Variants in CRTAC1 observed in about 807,000 individuals in gnomAD.
The protein encoded by CRTAC1 is acidic secreted protein in cartilage.
Under a neutral mutation model 67.8 loss-of-function variants are expected in CRTAC1, and 37 were observed. The observed-to-expected ratio is 0.55, with a 90% CI of 0.42 to 0.72. The LOEUF (loss-of-function observed/expected upper bound fraction) is 0.72, where lower values mean the gene tolerates loss of function less well. Ranked by LOEUF, CRTAC1 falls within the 30% of genes least tolerant of loss-of-function variation. CRTAC1 has a pLI of 0.00. For synonymous variants in CRTAC1, 348 were observed against 371.0 expected (o/e 0.94, Z 0.71); for missense variants, 780 against 931.6 (o/e 0.84, Z 2.12).
intron 2 of CRTAC1, among the ~76,000 whole-genome samples, chr10:97,968,965 GA>G (rs1226225109): frequency 6.6e-6 from 1 of 152,156 alleles, no homozygotes; most frequent in East Asian, 1.9e-4. Flanking sequence ...GCTGATACTG[GA>G]ATTTCTCAGT....
intron 13 of CRTAC1, among the ~76,000 whole-genome samples, chr10:97,881,601 T>C (rs1451082760): frequency 1.3e-5 from 2 of 152,192 alleles, no homozygotes; most frequent in African/African-American, 2.4e-5. Context: ...TAACTGCCTG[T>C]TGGGCGATGA....
rs960083229 is a variant in CRTAC1 at position 97,913,280 on chromosome 10, G to A, written c.715+4220C>T. On this transcript the variant is annotated intron_variant, in intron 5 of 14. Coordinates refer to ENST00000370597, the MANE Select transcript of CRTAC1 (RefSeq NM_018058.7). ...TGGTGTTGCCACTCCCAAGCCTTCT[G>A]GGAGCCTTCAGAGCCTGGGCAGGAC... Among the ~76,000 whole-genome samples the A allele has an allele frequency of 3.3e-5, 5 of 152,268 alleles. No individual in the cohort carries two copies. The East Asian group carries it at 7.7e-4, about 24-fold the overall frequency.
At chr10:97,970,792 C>T (rs891993720) in intron 2 of CRTAC1, among the ~76,000 whole-genome samples, 12 of 152,198 alleles carry the variant, frequency 7.9e-5, no homozygotes, top group African/African-American at 2.9e-4. Context: ...GCAGTCTCTC[C>T]AATGCCTAGA....
intron 5 of CRTAC1, among the ~76,000 whole-genome samples, chr10:97,916,049 A>G (rs1727000723): frequency 6.6e-6 from 1 of 151,948 alleles, no homozygotes; most frequent in Admixed American, 6.6e-5. Context: ...TGCCCCCTTC[A>G]TGCTCAAACC....
chr10:97,986,761 G>C (rs2051989421), intron 2 of CRTAC1, among the ~76,000 whole-genome samples: 1 of 152,114 alleles, frequency 6.6e-6, no homozygotes, highest in Admixed American at 6.5e-5. Flanking sequence ...TGGGAACCAG[G>C]GGCAGGAAGG....
rs544558254 is a variant in CRTAC1 at position 97,881,711 on chromosome 10, G to T, written c.1675+1075C>A. Reference sequence around the variant, plus strand: ...CTATGTGTTTGGAGTGGGGCTGGGTGGGCATGTGGAGAGTGTAGGGGAGTC... The same window carrying T: ...CTATGTGTTTGGAGTGGGGCTGGGTTGGCATGTGGAGAGTGTAGGGGAGTC... On this transcript the variant is annotated intron_variant, in intron 13 of 14. Coordinates refer to ENST00000370597, the MANE Select transcript of CRTAC1 (RefSeq NM_018058.7). Among the ~76,000 whole-genome samples, 6 of 152,266 alleles carry T rather than the reference G, an allele frequency of 3.9e-5. No individual in the cohort carries two copies. In the South Asian group the frequency reaches 1.0e-3, roughly 26 times the overall value.
rs780517154 is a variant in CRTAC1 at position 97,895,243 on chromosome 10, A to C, written c.1486+2T>G. ...ACTGTCCCCCACCGGACCCCGACTC[A>C]CCCAGGCCAAAGTGTGCCACGGGCT... On this transcript the variant is annotated splice_donor_variant, in intron 11 of 14. Coordinates refer to ENST00000370597, the MANE Select transcript of CRTAC1 (RefSeq NM_018058.7). LOFTEE classifies it high-confidence loss of function. The surrounding 1 kb of genome is among the most constrained non-coding windows in gnomAD (Gnocchi z 4.2). 1 of 1,609,708 alleles carries C rather than the reference A, an allele frequency of 6.2e-7. No individual in the cohort carries two copies. Among genetic ancestry groups the C allele is most frequent in the Non-Finnish European group, 8.5e-7 (1 of 1,179,898 alleles).
rs887533526 is a variant in CRTAC1 at position 98,029,173 on chromosome 10, G to C, written c.24+1276C>G. On this transcript the variant is annotated intron_variant, in intron 1 of 14. Transcript: ENST00000370597. This position sits in a 1 kb window ranked among gnomAD's most constrained non-coding sequence, Gnocchi z 4.7. Reference sequence around the variant, plus strand: ...GCCTCCACCTCTCCCCCATGGCTGAGGGTGAGGTACTCTGTGACTCTCAAT... The same window carrying C: ...GCCTCCACCTCTCCCCCATGGCTGACGGTGAGGTACTCTGTGACTCTCAAT... 1.2e-4 allele frequency among the ~76,000 whole-genome samples: 19 copies of C among 152,144 alleles called. No homozygotes were observed. The highest frequency in any genetic ancestry group is 3.6e-4 in the African/African-American group (15 of 41,426).
Position 97,968,789 on chromosome 10 carries a change from T to C in CRTAC1, c.225-32423A>G, listed in dbSNP as rs568948134. Among the ~76,000 whole-genome samples the C allele has an allele frequency of 8.3e-4, 127 of 152,294 alleles. 2 individuals are homozygous for C. The highest frequency in any genetic ancestry group is 1.9e-3 in the Admixed American group (29 of 15,306). ...AAGCCTTGTCTGAAAAGACCATGAATCACCTCTTGCGGAAGGAATAGAGAT... is the reference window on the plus strand; with the variant it reads ...AAGCCTTGTCTGAAAAGACCATGAACCACCTCTTGCGGAAGGAATAGAGAT... On this transcript the variant is annotated intron_variant, in intron 2 of 14. Coordinates refer to ENST00000370597, the MANE Select transcript of CRTAC1 (RefSeq NM_018058.7).
rs188171978 is a variant in CRTAC1, at chr10:97,987,562, T to A, written c.224+23576A>T. Among the ~76,000 whole-genome samples the A allele has an allele frequency of 1.2e-3, 189 of 152,350 alleles. 1 individual carries two copies. Among genetic ancestry groups the A allele is most frequent in the African/African-American group, 4.3e-3 (177 of 41,574 alleles). On this transcript the variant is annotated intron_variant, in intron 2 of 14. Coordinates refer to ENST00000370597, the MANE Select transcript of CRTAC1 (RefSeq NM_018058.7). ...AAAGGGGTCTGTGCTGGAGAAGGCA[T>A]GCCAACAGCAGGCTGCAAGATTTTC...
At chr10:97,870,691 A>G (rs546987268) in intron 14 of CRTAC1, 8 of 152,312 alleles carry the variant, frequency 5.3e-5, no homozygotes, top group African/African-American at 1.4e-4. Context: ...ATATCTGGAA[A>G]TGTAACACAT....
At chr10:97,867,347 G>T (rs1044831456) in intron 14 of CRTAC1, 9 of 152,280 alleles carry the variant, frequency 5.9e-5, no homozygotes, top group Non-Finnish European at 1.0e-4. Flanking sequence ...AATGAAGGGG[G>T]CTGCCTATCT....
chr10:98,013,900 T>C (rs1194372718), intron 1 of CRTAC1, among the ~76,000 whole-genome samples: 1 of 151,968 alleles, frequency 6.6e-6, no homozygotes, highest in Non-Finnish European at 1.5e-5. Context: ...CCAGCATGAG[T>C]AGACCAGTGG....
At chr10:97,990,362 T>C (rs1055233744) in intron 2 of CRTAC1, among the ~76,000 whole-genome samples, 4 of 152,234 alleles carry the variant, frequency 2.6e-5, no homozygotes, top group Non-Finnish European at 4.4e-5. Context: ...TGTGGTCTTT[T>C]TGTCCTTCCT....
chr10:97,883,670 A>C (rs188459523), intron 12 of CRTAC1, among the ~76,000 whole-genome samples: 1 of 152,248 alleles, frequency 6.6e-6, no homozygotes, highest in East Asian at 1.9e-4. Flanking sequence ...AGCCCCCTTC[A>C]TTTGTGTCAG....
At chr10:98,017,082 G>A (rs1359938312) in intron 1 of CRTAC1, among the ~76,000 whole-genome samples, 1 of 152,150 alleles carries the variant, frequency 6.6e-6, no homozygotes, top group Non-Finnish European at 1.5e-5. Context: ...GAACTGAACT[G>A]TTTTGTTTTC....
intron 3 of CRTAC1, among the ~76,000 whole-genome samples, chr10:97,925,422 T>C (rs2050898315): frequency 6.6e-6 from 1 of 151,380 alleles, no homozygotes; most frequent in Non-Finnish European, 1.5e-5. Flanking sequence ...GTGTGGTGAG[T>C]ACACGAGAGT....
chr10:97,900,890 G>C (rs672174), intron 8 of CRTAC1, among the ~76,000 whole-genome samples: 1,540 of 83,270 alleles, frequency 0.018, 11 homozygotes, highest in Middle Eastern at 0.042. Context: ...AGTGATTGGA[G>C]CCCGTAGCCC....
At chr10:97,879,579 G>T in intron 14 of CRTAC1, 1 of 1,418,868 alleles carries the variant, frequency 7.0e-7, no homozygotes, top group Non-Finnish European at 9.4e-7. Flanking sequence ...GGAGCACACA[G>T]CAGAACCTAC....
Sources: gnomAD v4.1 joint callset for allele counts (sites outside exome capture counted in the v4.1 genomes callset) on GRCh38, gnomAD v4.1.1 for gene constraint, Gnocchi (gnomAD v3.1) non-coding constraint, MANE v1.5 for transcripts, NCBI Gene and HGNC (gene_info 2026-07-23, HGNC 2026-07-21) for gene names.